Variants in ANK2 observed in about 807,000 individuals in gnomAD.
ANK2 encodes the protein ankyrin-2.
A neutral mutation model predicts 360.5 loss-of-function variants in ANK2; 83 were observed. The ratio of observed to expected loss-of-function variants is 0.23; its 90% CI spans 0.19 to 0.28. The LOEUF (loss-of-function observed/expected upper bound fraction) is 0.28, where lower values mean the gene tolerates loss of function less well. Ranked by LOEUF, ANK2 falls within the 10% of genes least tolerant of loss-of-function variation. The pLI is 1.00. For synonymous variants in ANK2, 1,740 were observed against 1,759.5 expected (o/e 0.99, Z 0.28); for missense variants, 4,201 against 4,795.7 (o/e 0.88, Z 3.66).
At chr4:113,324,634 C>A (rs1169638438) in intron 26 of ANK2, among the ~76,000 whole-genome samples, 1 of 152,042 alleles carries the variant, frequency 6.6e-6, no homozygotes, top group Non-Finnish European at 1.5e-5. Flanking sequence ...AAAGCCATAT[C>A]CAAGCAATTT....
intron 2 of ANK2, among the ~76,000 whole-genome samples, chr4:113,017,567 A>C (rs75316869): frequency 0.025 from 3,758 of 152,302 alleles, 145 homozygotes; most frequent in African/African-American, 0.083. Flanking sequence ...CCCTTTGTGA[A>C]GTATGCTGCA....
In ANK2 at chr4:113,315,699, C is replaced by T. The variant is rs554720815; in HGVS notation, c.2694-2008C>T. ...GGATCACGAGGTCAGGAGATCGAGACCATCCTGGCTAACACGGTGAAACCC... is the reference window on the plus strand; with the variant it reads ...GGATCACGAGGTCAGGAGATCGAGATCATCCTGGCTAACACGGTGAAACCC... On this transcript the variant is annotated intron_variant, in intron 24 of 45. Coordinates refer to ENST00000357077, the MANE Select transcript of ANK2 (RefSeq NM_001148.6). Among the ~76,000 whole-genome samples the T allele has an allele frequency of 3.9e-5, 6 of 152,126 alleles. No homozygotes were observed. In the South Asian group the frequency reaches 1.0e-3, roughly 26 times the overall value.
At chr4:113,079,160 G>A (rs913296474) in intron 1 of ANK2, among the ~76,000 whole-genome samples, 3 of 152,178 alleles carry the variant, frequency 2.0e-5, no homozygotes, top group Non-Finnish European at 2.9e-5. Flanking sequence ...AGAATTATGA[G>A]ATTAAAGTTT....
At chr4:113,021,541 C>CACACACATATAT (rs1489947974) in intron 2 of ANK2, among the ~76,000 whole-genome samples, 28 of 95,638 alleles carry the variant, frequency 2.9e-4, no homozygotes, top group African/African-American at 1.1e-3. Context: ...CACACACAAA[C>CACACACATATAT]ATATATATAT....
At chr4:113,229,526 A>T (rs1468664067) in intron 4 of ANK2, among the ~76,000 whole-genome samples, 1 of 152,154 alleles carries the variant, frequency 6.6e-6, no homozygotes, top group Non-Finnish European at 1.5e-5. Flanking sequence ...GGTTCCAGAG[A>T]TTAGGATGTG....
At chr4:113,035,137 C>G (rs2060817102) in intron 2 of ANK2, among the ~76,000 whole-genome samples, 1 of 150,144 alleles carries the variant, frequency 6.7e-6, no homozygotes, top group African/African-American at 2.4e-5. Context: ...GGCTTTCACT[C>G]AGAATAAAAT....
chr4:113,027,374 C>T (rs1367013405), intron 2 of ANK2, among the ~76,000 whole-genome samples: 1 of 152,088 alleles, frequency 6.6e-6, no homozygotes, highest in African/African-American at 2.4e-5. Context: ...GGAATGAATC[C>T]TTAAAGGCAG....
intron 1 of ANK2, chr4:113,174,136 G>T: frequency 2.8e-6 from 1 of 352,948 alleles, no homozygotes; most frequent in South Asian, 2.4e-5. Context: ...CTTCAATTGT[G>T]GCTGAAGATT....
chr4:113,310,643 C>A (rs1024771300), intron 23 of ANK2, among the ~76,000 whole-genome samples: 2 of 152,218 alleles, frequency 1.3e-5, no homozygotes, highest in African/African-American at 4.8e-5. Context: ...TCTTGAACTC[C>A]TGACCTCAGG....
chr4:112,976,339 G>A (rs1322391802), intron 2 of ANK2, among the ~76,000 whole-genome samples: 2 of 152,016 alleles, frequency 1.3e-5, no homozygotes, highest in Non-Finnish European at 2.9e-5. Context: ...GATTACAGGT[G>A]CACACTACCA....
intron 2 of ANK2, among the ~76,000 whole-genome samples, chr4:113,033,128 G>A (rs1175135255): frequency 1.3e-5 from 2 of 151,978 alleles, no homozygotes; most frequent in African/African-American, 4.8e-5. Flanking sequence ...CCTGGCCTTA[G>A]GAACTTGATA....
In ANK2 at chr4:113,240,044, C is replaced by T. The variant is rs187256509; in HGVS notation, c.694-441C>T. On this transcript the variant is annotated intron_variant, in intron 7 of 45. Transcript: ENST00000357077. ...TCCAAAAGTATAATGTCAACAAATA[C>T]TGCTTTTTTAAAACAAAAATAAAAC... 3.4e-4 allele frequency among the ~76,000 whole-genome samples: 52 copies of T among 152,184 alleles called. No homozygotes were observed. The East Asian group carries it at 8.3e-3, about 24-fold the overall frequency.
chr4:113,117,054 G>C, intron 1 of ANK2: 1 of 348,234 alleles, frequency 2.9e-6, no homozygotes, highest in Non-Finnish European at 5.6e-6. Flanking sequence ...GGTGTGTGCT[G>C]CTGGAGGTCT....
chr4:112,790,568 A>G, the ANK2 span, among the ~76,000 whole-genome samples: 1 of 148,024 alleles, frequency 6.8e-6, no homozygotes, highest in Admixed American at 6.9e-5. Flanking sequence ...GCTCACTGCA[A>G]CCTCTGCCTC....
At chr4:113,095,088 A>G (rs1050493206) in intron 1 of ANK2, among the ~76,000 whole-genome samples, 3 of 152,194 alleles carry the variant, frequency 2.0e-5, no homozygotes, top group African/African-American at 7.2e-5. Flanking sequence ...GAAATAGAAC[A>G]TTAGATCTTC....
At chr4:113,330,206 A>G (rs1416942919) in intron 26 of ANK2, 40 bp from the exon 27 acceptor site, 2 of 1,574,772 alleles carry the variant, frequency 1.3e-6, no homozygotes, top group Non-Finnish European at 1.7e-6. Context: ...TCTGCCCCCA[A>G]TATTTCAAAA....
At chr4:113,022,863 G>T (rs1189896633) in intron 2 of ANK2, among the ~76,000 whole-genome samples, 1 of 152,142 alleles carries the variant, frequency 6.6e-6, no homozygotes, top group East Asian at 1.9e-4. Context: ...ATACAATGAA[G>T]TTACAGCAAA....
intron 29 of ANK2, among the ~76,000 whole-genome samples, chr4:113,335,342 T>C (rs1348287886): frequency 6.6e-6 from 1 of 152,170 alleles, no homozygotes; most frequent in Non-Finnish European, 1.5e-5. Flanking sequence ...TGACTCTTAC[T>C]CTTCCAAGAT....
the ANK2 span, among the ~76,000 whole-genome samples, chr4:112,750,946 C>T: frequency 5.3e-5 from 8 of 152,112 alleles, no homozygotes; most frequent in Non-Finnish European, 1.2e-4. Flanking sequence ...AGGCTGGCCT[C>T]GAACTCCTGA....
Sources: gnomAD v4.1 joint callset for allele counts (sites outside exome capture counted in the v4.1 genomes callset) on GRCh38, gnomAD v4.1.1 for gene constraint, MANE v1.5 for transcripts, NCBI Gene and HGNC (gene_info 2026-07-23, HGNC 2026-07-21) for gene names.